Variants in GRID2 observed in about 807,000 individuals in gnomAD.
GRID2 encodes the protein glutamate ionotropic receptor delta type subunit 2, also known as glutamate receptor ionotropic, delta-2.
In GRID2, 33 loss-of-function variants were observed where a neutral mutation model predicts 114.8. The ratio of observed to expected loss-of-function variants is 0.29; its 90% confidence interval spans 0.22 to 0.38. The LOEUF is 0.38. Ranked by LOEUF, GRID2 falls within the 10% of genes least tolerant of loss-of-function variation. The probability of loss-of-function intolerance (pLI) is 1.00; values close to 1 mark genes in which losing one functional copy is unlikely to be tolerated. For missense variants in GRID2, 1,184 were observed against 1,257.7 expected (o/e 0.94, Z 0.89); for synonymous variants, 505 against 449.9 (o/e 1.12, Z -1.55).
intron 1 of GRID2, among the ~76,000 whole-genome samples, chr4:92,554,812 C>A (rs1228512838): frequency 6.6e-6 from 1 of 152,104 alleles, no homozygotes; most frequent in Non-Finnish European, 1.5e-5. Flanking sequence ...TACATGTAAT[C>A]CAACTTCTAG....
intron 4 of GRID2, among the ~76,000 whole-genome samples, chr4:93,183,751 A>G (rs1046350479): frequency 6.6e-6 from 1 of 152,234 alleles, no homozygotes; most frequent in East Asian, 1.9e-4. Flanking sequence ...GAAATAAACT[A>G]TATCAGTAAA....
intron 2 of GRID2, among the ~76,000 whole-genome samples, chr4:92,642,934 GT>G (rs1202178039): frequency 6.6e-6 from 1 of 151,510 alleles, no homozygotes; most frequent in Non-Finnish European, 1.5e-5. Context: ...CTTTATTTCT[GT>G]TTCTTATTCT....
At chr4:93,238,037 C>A (rs1424431801) in intron 7 of GRID2, among the ~76,000 whole-genome samples, 1 of 151,684 alleles carries the variant, frequency 6.6e-6, no homozygotes, top group Non-Finnish European at 1.5e-5. Context: ...AAGATGGATC[C>A]ATTCAAGTCA....
intron 8 of GRID2, among the ~76,000 whole-genome samples, chr4:93,346,672 T>C (rs1015614803): frequency 1.3e-5 from 2 of 152,188 alleles, no homozygotes; most frequent in African/African-American, 4.8e-5. Flanking sequence ...ATATCTTTCC[T>C]GGCTCATTTG....
rs185730904 is a variant in GRID2, at chr4:93,027,432, C to A, written c.245-57563C>A. Among the ~76,000 whole-genome samples, 294 of 152,146 alleles carry A rather than the reference C, an allele frequency of 1.9e-3. 1 individual carries two copies. The highest frequency in any genetic ancestry group is 6.7e-3 in the African/African-American group (280 of 41,562). On this transcript the variant is annotated intron_variant, in intron 2 of 15. Coordinates refer to ENST00000282020, the MANE Select transcript of GRID2 (RefSeq NM_001510.4). The stretch of plus-strand genomic sequence containing the variant: ...AGATTAAAGCAAGTAATATATATAT[C>A]ACATGGACAAAGGAAGAGTGTACTC...
chr4:93,669,037 A>G lies in GRID2; in HGVS notation c.2360+42602A>G, dbSNP rs111555858. On this transcript the variant is annotated intron_variant, in intron 14 of 15. Coordinates refer to ENST00000282020, the MANE Select transcript of GRID2 (RefSeq NM_001510.4). ...TGGCATGCTTAGTAAGTGATATCTC[A>G]TGAGTGAAATGTTGATGCATTTACT... Among the ~76,000 whole-genome samples the G allele has an allele frequency of 6.5e-3, 991 of 152,154 alleles. 12 individuals are homozygous for G. The highest frequency in any genetic ancestry group is 0.023 in the African/African-American group (952 of 41,546).
chr4:93,061,919 G>C (rs1727845399), intron 2 of GRID2, among the ~76,000 whole-genome samples: 1 of 151,990 alleles, frequency 6.6e-6, no homozygotes, highest in African/African-American at 2.4e-5. Flanking sequence ...CACAAATAGG[G>C]CTTACTTACA....
chr4:93,597,606 A>G (rs1462256658), intron 13 of GRID2, among the ~76,000 whole-genome samples: 4 of 152,192 alleles, frequency 2.6e-5, no homozygotes, highest in East Asian at 1.9e-4. Context: ...CCCTGTCCCT[A>G]TTGTTCATCA....
chr4:92,726,271 A>G (rs976792513), intron 2 of GRID2, among the ~76,000 whole-genome samples: 5 of 152,138 alleles, frequency 3.3e-5, no homozygotes, highest in Admixed American at 2.6e-4. Context: ...ATAAAATCCT[A>G]TGTGCAGGCA....
At chr4:93,399,726 A>G (rs1355013954) in intron 9 of GRID2, among the ~76,000 whole-genome samples, 1 of 152,082 alleles carries the variant, frequency 6.6e-6, no homozygotes, top group Admixed American at 6.6e-5. Flanking sequence ...GGAACTGGGA[A>G]TAAGGGATAC....
rs946008727 is a variant in GRID2, at chr4:92,670,468, A to G, written c.244+80182A>G. On this transcript the variant is annotated intron_variant, in intron 2 of 15. Coordinates refer to ENST00000282020, the MANE Select transcript of GRID2 (RefSeq NM_001510.4). ...TCCTATTTGTGGATGAACACTTGGT[A>G]AGGTATTTACTATTTTGAGTTCATT... Among the ~76,000 whole-genome samples, 2 of 151,984 alleles carry G rather than the reference A, an allele frequency of 1.3e-5. 1 individual carries two copies. Among genetic ancestry groups the G allele is most frequent in the Non-Finnish European group, 2.9e-5 (2 of 67,966 alleles).
chr4:93,082,424 A>G (rs1012053711), intron 2 of GRID2, among the ~76,000 whole-genome samples: 3 of 152,148 alleles, frequency 2.0e-5, no homozygotes, highest in Non-Finnish European at 4.4e-5. Context: ...TGATTTCTTG[A>G]CAATAAAGGA....
chr4:92,598,186 T>C (rs545729158), intron 2 of GRID2, among the ~76,000 whole-genome samples: 36 of 152,234 alleles, frequency 2.4e-4, no homozygotes, highest in African/African-American at 8.2e-4. Context: ...CAGTGTGCAA[T>C]AGGAAATTGC....
At chr4:92,489,674 C>T (rs1033201602) in intron 1 of GRID2, among the ~76,000 whole-genome samples, 3 of 151,762 alleles carry the variant, frequency 2.0e-5, no homozygotes, top group African/African-American at 4.8e-5. Context: ...GGTGAAACAC[C>T]GTCTCTACTA....
intron 2 of GRID2, among the ~76,000 whole-genome samples, chr4:92,700,082 A>C (rs780772322): frequency 7.9e-5 from 12 of 152,190 alleles, no homozygotes; most frequent in Non-Finnish European, 1.8e-4. Flanking sequence ...CAGGTCTTTT[A>C]GTGTAAAAAA....
chr4:92,758,630 C>A (rs1314076896), intron 2 of GRID2, among the ~76,000 whole-genome samples: 1 of 152,096 alleles, frequency 6.6e-6, no homozygotes, highest in African/African-American at 2.4e-5. Flanking sequence ...TCAGGCAATT[C>A]ACTTATCAGG....
At chr4:93,415,870 A>ATCT (rs1767651758) in intron 9 of GRID2, among the ~76,000 whole-genome samples, 1 of 152,070 alleles carries the variant, frequency 6.6e-6, no homozygotes, top group Non-Finnish European at 1.5e-5. Context: ...AAGATAATAT[A>ATCT]GAAGATGTAA....
intron 2 of GRID2, among the ~76,000 whole-genome samples, chr4:92,669,720 T>C (rs986393425): frequency 3.3e-5 from 5 of 152,180 alleles, no homozygotes; most frequent in African/African-American, 1.2e-4. Flanking sequence ...TATCAACTAG[T>C]GATCAGACCA....
At chr4:92,659,660 A>G (rs1436462344) in intron 2 of GRID2, among the ~76,000 whole-genome samples, 2 of 151,546 alleles carry the variant, frequency 1.3e-5, no homozygotes, top group Non-Finnish European at 3.0e-5. Context: ...ATATTTTGGG[A>G]CAAGGATGTG....
Sources: allele counts gnomAD v4.1 joint callset (sites outside exome capture counted in the v4.1 genomes callset), GRCh38; gene constraint gnomAD v4.1.1; transcripts MANE v1.5; gene names NCBI Gene and HGNC (gene_info 2026-07-23, HGNC 2026-07-21).